FBXO43: variants seen among roughly 807,000 people sequenced by gnomAD.
The protein encoded by FBXO43 is F-box protein 43, also known as F-box only protein 43.
Under a neutral mutation model 56.7 loss-of-function variants are expected in FBXO43, and 22 were observed. That is an observed-to-expected ratio of 0.39 (90% CI 0.28 to 0.55). FBXO43 has a LOEUF of 0.55. FBXO43 is among the 20% of genes least tolerant of loss of function. The pLI is 0.66. For missense variants in FBXO43, 733 were observed against 814.9 expected (o/e 0.90, Z 1.22); for synonymous variants, 306 against 294.5 (o/e 1.04, Z -0.40).
intron 1 of FBXO43, among the ~76,000 whole-genome samples, chr8:100,144,619 GTTCT>G (rs954811825): frequency 2.9e-5 from 4 of 136,132 alleles, no homozygotes; most frequent in Non-Finnish European, 4.7e-5. Context: ...TTCCTAAAGT[GTTCT>G]TTAAGAAAAA....
At chr8:100,149,523 T>C (rs147009747), upstream of FBXO43, among the ~76,000 whole-genome samples, 963 of 152,366 alleles carry the variant, frequency 6.3e-3, 11 homozygotes, top group African/African-American at 0.022. Flanking sequence ...AAAATATTTA[T>C]GCTCTGTTAG....
At chr8:100,137,886 A>T (rs1320782633) in intron 2 of FBXO43, among the ~76,000 whole-genome samples, 1 of 152,216 alleles carries the variant, frequency 6.6e-6, no homozygotes, top group Non-Finnish European at 1.5e-5. Context: ...ATACAGATAG[A>T]TTACTCTTTT....
chr8:100,139,676 T>G (rs3104191), intron 2 of FBXO43, among the ~76,000 whole-genome samples: 8,342 of 152,258 alleles, frequency 0.055, 686 homozygotes, highest in African/African-American at 0.17. Flanking sequence ...GTAACCTTAG[T>G]TCCCACCCTC....
In FBXO43 at chr8:100,137,351, C is replaced by A. The variant is rs536289516; in HGVS notation, c.1674+214G>T. ...CTGGGATTACAGGCGTGAGCCACCG[C>A]GCCTGGCCAACAAGATGTTCTTGAT... On this transcript the variant is annotated intron_variant, in intron 3 of 4. Coordinates refer to ENST00000428847, the MANE Select transcript of FBXO43 (RefSeq NM_001029860.4). The A allele has an allele frequency of 3.7e-5, 15 of 406,762 alleles. No individual in the cohort carries two copies. The South Asian group carries it at 3.9e-4, about 11-fold the overall frequency. 25.2% of individuals were successfully genotyped at this position (406,762 alleles called of 1,614,324 possible). A position where few individuals can be genotyped will look rare whatever the true frequency, so the allele number is the denominator to read the frequency against.
At chr8:100,143,662 A>C (rs1241841802) in intron 1 of FBXO43, among the ~76,000 whole-genome samples, 1 of 152,218 alleles carries the variant, frequency 6.6e-6, no homozygotes, top group Non-Finnish European at 1.5e-5. Flanking sequence ...TAGAATGCAT[A>C]TTAAAATTAC....
chr8:100,145,379 C>T lies in FBXO43; in HGVS notation c.-244G>A. The T allele has an allele frequency of 2.7e-6, 1 of 365,554 alleles. No homozygotes were observed. The highest frequency in any genetic ancestry group is 4.9e-6 in the Non-Finnish European group (1 of 203,792). 22.6% of individuals were successfully genotyped at this position (365,554 alleles called of 1,614,324 possible). A position where few individuals can be genotyped will look rare whatever the true frequency, so the allele number is the denominator to read the frequency against. Reference sequence around the variant, plus strand: ...GAGTAAACTTCCCAAATTCGGGTTCCTGAAAAGGCAGCGTGTGCTGCAGCC... The same window carrying T: ...GAGTAAACTTCCCAAATTCGGGTTCTTGAAAAGGCAGCGTGTGCTGCAGCC... On this transcript the variant is annotated 5_prime_UTR_variant, in exon 1 of 5. Transcript: ENST00000428847.
At chr8:100,146,192 G>A (rs3104193), upstream of FBXO43, among the ~76,000 whole-genome samples, 7,433 of 152,230 alleles carry the variant, frequency 0.049, 542 homozygotes, top group African/African-American at 0.15. Context: ...CACAGGATGA[G>A]GTCTGAAAGG....
Position 100,145,043 on chromosome 8 carries a change from ACT to A in FBXO43, c.85+6_85+7del. ...ATGTTCTTCATTTGTTAAAGTGGAAACTCTTACCATCAGTAAATCTTGAGCTC... is the reference window on the plus strand; with the variant it reads ...ATGTTCTTCATTTGTTAAAGTGGAAACTTACCATCAGTAAATCTTGAGCTC... On this transcript the variant is annotated splice_donor_region_variant and intron_variant, in intron 1 of 4. Coordinates refer to ENST00000428847, the MANE Select transcript of FBXO43 (RefSeq NM_001029860.4). 6.2e-7 allele frequency: 1 copy of A among 1,606,498 alleles called. No individual in the cohort carries two copies. The highest frequency in any genetic ancestry group is 8.5e-7 in the Non-Finnish European group (1 of 1,176,074).
intron 3 of FBXO43, chr8:100,136,780 C>T (rs1463685798): frequency 3.3e-5 from 5 of 152,246 alleles, no homozygotes; most frequent in African/African-American, 9.7e-5. Context: ...TTAAATAACT[C>T]TGGGCTTCCT....
chr8:100,150,415 C>T (rs1462359039), upstream of FBXO43, among the ~76,000 whole-genome samples: 1 of 152,234 alleles, frequency 6.6e-6, no homozygotes, highest in African/African-American at 2.4e-5. Flanking sequence ...GTCAGAAACA[C>T]ACACCGCCTT....
upstream of FBXO43, among the ~76,000 whole-genome samples, chr8:100,149,320 T>G (rs530673353): frequency 6.6e-5 from 10 of 152,356 alleles, no homozygotes; most frequent in Middle Eastern, 6.8e-3. Flanking sequence ...TATCTTGATA[T>G]TTCAACTGGA....
In FBXO43 at chr8:100,133,765, T is replaced by C; in HGVS notation, c.*37A>G. 6.4e-7 allele frequency: 1 copy of C among 1,566,244 alleles called. No individual in the cohort carries two copies. On this transcript the variant is annotated 3_prime_UTR_variant, in exon 5 of 5. Transcript: ENST00000428847. ...TATTCATAATTTTAAGTCAGATAAA[T>C]AGAACACTGCATGGGGGAGTTCTAT...
chr8:100,144,822 C>T (rs1397641940), intron 1 of FBXO43, among the ~76,000 whole-genome samples: 1 of 151,196 alleles, frequency 6.6e-6, no homozygotes, highest in Non-Finnish European at 1.5e-5. Context: ...GTCCCAGCTA[C>T]TCGGGAGGCT....
chr8:100,149,558 G>A (rs972966923), upstream of FBXO43, among the ~76,000 whole-genome samples: 1 of 152,186 alleles, frequency 6.6e-6, no homozygotes, highest in African/African-American at 2.4e-5. Context: ...AAGAAGCCAG[G>A]AACTGCTGCG....
chr8:100,143,966 T>G (rs536062084), intron 1 of FBXO43, among the ~76,000 whole-genome samples: 1 of 152,288 alleles, frequency 6.6e-6, no homozygotes, highest in South Asian at 2.1e-4. Flanking sequence ...GAGACGGGCT[T>G]TCGCCATGTT....
upstream of FBXO43, among the ~76,000 whole-genome samples, chr8:100,148,713 C>G (rs1814872097): frequency 2.0e-5 from 3 of 151,128 alleles, no homozygotes; most frequent in South Asian, 4.2e-4. Flanking sequence ...GTGCCCAGCC[C>G]TTTGCTTTCC....
chr8:100,146,291 A>G (rs957783708), upstream of FBXO43, among the ~76,000 whole-genome samples: 2 of 152,210 alleles, frequency 1.3e-5, no homozygotes, highest in Admixed American at 1.3e-4. Flanking sequence ...TGTTTCAACA[A>G]TGAATATATA....
Position 100,141,668 on chromosome 8 carries a change from C to G in FBXO43, c.586G>C (p.Gly196Arg). Reference protein sequence around the residue: ...LEKNIPSSASGFSRANNFSPL... With the variant: ...LEKNIPSSASRFSRANNFSPL... The stretch of plus-strand genomic sequence containing the variant: ...CTAAAATTATTTGCCCTGGAAAAAC[C>G]TGAAGCACTGCTTGGAATATTTTTT... The change falls in exon 2 of 5, where the codon GGT becomes CGT. Residue 196 changes from glycine (G) to arginine (R), a missense_variant. Gly to Arg is a moderately radical substitution (Grantham distance 125, BLOSUM62 -2). Coordinates refer to ENST00000428847, the MANE Select transcript of FBXO43 (RefSeq NM_001029860.4). The G allele has an allele frequency of 6.2e-7, 1 of 1,612,782 alleles. No individual in the cohort carries two copies. The highest frequency in any genetic ancestry group is 8.5e-7 in the Non-Finnish European group (1 of 1,179,030).
At position 100,145,087 on chromosome 8, in the gene FBXO43, C is replaced by T. The variant is rs756925561; in HGVS notation, c.49G>A (p.Val17Ile). Residue 17 changes from valine to isoleucine, a missense_variant, in exon 1 of 5, where the codon GTA becomes ATA. Val to Ile is a conservative substitution (Grantham distance 29). Coordinates refer to ENST00000428847, the MANE Select transcript of FBXO43 (RefSeq NM_001029860.4). ...CTTGAGCTCTTAGATGTCAAAGTTA[C>T]GTAGGCTTCCAAACAAGAAATTCTC... ...DERISCLEAYVTLTSKSSRFT... is the reference protein window; with the variant it reads ...DERISCLEAYITLTSKSSRFT... The T allele has an allele frequency of 6.2e-7, 1 of 1,612,130 alleles. No homozygotes were observed. The highest frequency in any genetic ancestry group is 8.5e-7 in the Non-Finnish European group (1 of 1,178,676).
Sources: gnomAD v4.1 joint callset for allele counts (sites outside exome capture counted in the v4.1 genomes callset) on GRCh38, gnomAD v4.1.1 for gene constraint, MANE v1.5 for transcripts, NCBI Gene and HGNC (gene_info 2026-07-23, HGNC 2026-07-21) for gene names.